Variants in CDH22 observed in about 807,000 individuals in gnomAD.
CDH22 encodes the protein cadherin 22.
In CDH22, 30 loss-of-function variants were observed where a neutral mutation model predicts 58.4. The observed-to-expected ratio is 0.51, with a 90% CI of 0.38 to 0.70. CDH22 has a LOEUF of 0.70. Among genes scored for constraint, CDH22 ranks in the 30% least tolerant of loss-of-function variants. The pLI, the probability that CDH22 is intolerant of heterozygous loss-of-function variation, is 0.00. For synonymous variants in CDH22, 513 were observed against 558.2 expected, an observed-to-expected ratio of 0.92 and a Z score of 1.14; for missense variants, 1,014 against 1,233.9, an observed-to-expected ratio of 0.82 and a Z score of 2.67.
chr20:46,251,550 C>A lies in CDH22; in HGVS notation c.-256G>T, dbSNP rs987636775. ...CCCCCGGGGTGCCCGCCCGCGCCCCCGTCGCCGCGTCGCGTGCGGATCACC... is the reference window on the plus strand; with the variant it reads ...CCCCCGGGGTGCCCGCCCGCGCCCCAGTCGCCGCGTCGCGTGCGGATCACC... On this transcript the variant is annotated 5_prime_UTR_variant, in exon 2 of 12. Transcript: ENST00000537909. This position sits in a 1 kb window ranked among gnomAD's most constrained non-coding sequence, Gnocchi z 6.7. The A allele has an allele frequency of 1.0e-5, 3 of 295,984 alleles. No individual in the cohort carries two copies. The highest frequency in any genetic ancestry group is 5.2e-5 in the Admixed American group (1 of 19,208). The allele number at this position is 295,984 out of a possible 1,614,324, so 18.3% of individuals were successfully genotyped here. A position where few individuals can be genotyped will look rare whatever the true frequency, so the allele number is the denominator to read the frequency against.
rs1165238554 is a variant in CDH22 at position 46,186,923 on chromosome 20, G to A, written c.1448C>T (p.Ala483Val). Residue 483 changes from alanine to valine, a missense_variant, in exon 9 of 12, where the codon GCA becomes GTA. This residue lies in a region of CDH22 where 806 missense variants were observed against 1,038.7 expected (regional missense o/e 0.78). Transcript: ENST00000537909. ...ATCCAGGATTCGGATCCTTAGGGATGCCCGGGATAGCTGTGCATGATTGTC... is the reference window on the plus strand; with the variant it reads ...ATCCAGGATTCGGATCCTTAGGGATACCCGGGATAGCTGTGCATGATTGTC... The part of the protein sequence containing the change: ...EADNHAQLSR[A>V]SLRIRILDVN... 1 of 1,605,796 alleles carries A rather than the reference G, an allele frequency of 6.2e-7. No individual in the cohort carries two copies. Among genetic ancestry groups the A allele is most frequent in the Admixed American group, 1.7e-5 (1 of 59,204 alleles).
intron 4 of CDH22, among the ~76,000 whole-genome samples, chr20:46,218,907 G>A (rs1023893254): frequency 4.6e-5 from 7 of 152,202 alleles, no homozygotes; most frequent in African/African-American, 7.2e-5. Context: ...GGTGGTGACA[G>A]GTGGTGCCCG....
intron 7 of CDH22, among the ~76,000 whole-genome samples, chr20:46,205,474 C>T (rs1249838073): frequency 6.6e-6 from 1 of 152,192 alleles, no homozygotes; most frequent in African/African-American, 2.4e-5. Context: ...GAACCCAGGT[C>T]TCCTCTGATT....
chr20:46,294,111 C>T (rs11087002), intron 1 of CDH22, among the ~76,000 whole-genome samples: 48,212 of 152,132 alleles, frequency 0.32, 8,269 homozygotes, highest in African/African-American at 0.45. Context: ...GCCTGCAAGA[C>T]CAAATCCTTA....
chr20:46,298,947 C>G (rs1014790521), intron 1 of CDH22, among the ~76,000 whole-genome samples: 4 of 152,156 alleles, frequency 2.6e-5, no homozygotes, highest in South Asian at 2.1e-4. Flanking sequence ...ATTAAGCCCC[C>G]ACCCCACTTA....
At chr20:46,307,985 G>C (rs1275494314) in intron 1 of CDH22, among the ~76,000 whole-genome samples, 2 of 151,758 alleles carry the variant, frequency 1.3e-5, no homozygotes, top group African/African-American at 4.8e-5. Context: ...TTGTGGGGAC[G>C]GGTGGGAGCT....
rs1328654682 is a variant in CDH22, at chr20:46,174,323, A to C, written c.*183T>G. 8 of 526,236 alleles carry C rather than the reference A, an allele frequency of 1.5e-5. No individual in the cohort carries two copies. The Admixed American group carries it at 2.5e-4, about 16-fold the overall frequency. 32.6% of individuals were successfully genotyped at this position (526,236 alleles called of 1,614,324 possible). A position where few individuals can be genotyped will look rare whatever the true frequency, so the allele number is the denominator to read the frequency against. On this transcript the variant is annotated 3_prime_UTR_variant, in exon 12 of 12. Transcript: ENST00000537909. The surrounding 1 kb of genome is among the most constrained non-coding windows in gnomAD (Gnocchi z 4.4). ...AGAATCCCGCACCTCTGGGCTCCAA[A>C]GCTGCACCCCTAGAGGAGGAGGAAT... is the stretch of plus-strand genomic sequence containing the variant.
At chr20:46,211,311 A>G (rs993886692) in intron 6 of CDH22, among the ~76,000 whole-genome samples, 1 of 152,144 alleles carries the variant, frequency 6.6e-6, no homozygotes, top group African/African-American at 2.4e-5. Flanking sequence ...CTGATTGGCA[A>G]GAGTGACCTT....
Position 46,174,456 on chromosome 20 carries a change from G to T in CDH22, c.*50C>A, listed in dbSNP as rs778330224. 1.1e-5 allele frequency: 14 copies of T among 1,288,578 alleles called. No individual in the cohort carries two copies. Among genetic ancestry groups the T allele is most frequent in the Non-Finnish European group, 1.4e-5 (14 of 983,488 alleles). 79.8% of individuals were successfully genotyped at this position (1,288,578 alleles called of 1,614,324 possible). The stretch of plus-strand genomic sequence containing the variant: ...GGGAAACGCGTTGTCCTGGGGCCCC[G>T]GCGTGTGCTGGGCGGGTGAGCAGCC... On this transcript the variant is annotated 3_prime_UTR_variant, in exon 12 of 12. Coordinates refer to ENST00000537909, the MANE Select transcript of CDH22 (RefSeq NM_021248.3). The surrounding 1 kb of genome is among the most constrained non-coding windows in gnomAD (Gnocchi z 4.4).
rs767171662 is a variant in CDH22, at chr20:46,174,889, C to T, written c.2104G>A (p.Gly702Arg). 26 of 1,414,450 alleles carry T rather than the reference C, an allele frequency of 1.8e-5. No individual in the cohort carries two copies. The highest frequency in any genetic ancestry group is 2.5e-4 in the Middle Eastern group (1 of 4,008). 87.6% of individuals were successfully genotyped at this position (1,414,450 alleles called of 1,614,324 possible). ...GCTCCCCCGCCCGCGCTGCCGCCCC[C>T]GTCGCCGCCCTTGAGCTCGCCGAAG... ...YDFGELKGGD[G>R]GGSAGGGAGG... The change falls in exon 12 of 12, where the codon GGG becomes AGG. Residue 702 changes from glycine (G) to arginine (R), a missense_variant. Gly to Arg is a moderately radical substitution (Grantham distance 125). This residue lies in a region of CDH22 where 208 missense variants were observed against 195.2 expected (regional missense o/e 1.07). Transcript: ENST00000537909. This position sits in a 1 kb window ranked among gnomAD's most constrained non-coding sequence, Gnocchi z 4.4.
Position 46,241,359 on chromosome 20 carries a change from C to T in CDH22, c.256-102G>A. ...CTGCCTATTCCTAAGCCCATCTCTTCTCCAGCACATACACATCTTTAGTGA... is the reference window on the plus strand; with the variant it reads ...CTGCCTATTCCTAAGCCCATCTCTTTTCCAGCACATACACATCTTTAGTGA... On this transcript the variant is annotated intron_variant, in intron 2 of 11. Coordinates refer to ENST00000537909, the MANE Select transcript of CDH22 (RefSeq NM_021248.3). This position sits in a 1 kb window ranked among gnomAD's most constrained non-coding sequence, Gnocchi z 5.2. 2.1e-6 allele frequency: 2 copies of T among 968,848 alleles called. No homozygotes were observed. The highest frequency in any genetic ancestry group is 3.0e-6 in the Non-Finnish European group (2 of 662,834). 60.0% of individuals were successfully genotyped at this position (968,848 alleles called of 1,614,324 possible).
chr20:46,276,145 T>C (rs185989777), intron 1 of CDH22, among the ~76,000 whole-genome samples: 17 of 152,272 alleles, frequency 1.1e-4, no homozygotes, highest in Admixed American at 1.1e-3. Context: ...CATCCAAATA[T>C]GTAGCAGTGA....
At chr20:46,175,166 C>T in intron 11 of CDH22, 89 bp from the exon 12 acceptor site, 1 of 1,288,246 alleles carries the variant, frequency 7.8e-7, no homozygotes, top group Non-Finnish European at 1.1e-6. Context: ...CCGCCTCCCA[C>T]CCAGCAGAGC....
intron 7 of CDH22, among the ~76,000 whole-genome samples, chr20:46,203,604 G>A (rs958013995): frequency 2.0e-5 from 3 of 152,236 alleles, no homozygotes; most frequent in Non-Finnish European, 2.9e-5. Context: ...TACTTTGTAA[G>A]TTGTCGGGAG....
chr20:46,241,076 C>T lies in CDH22; in HGVS notation c.437G>A (p.Arg146His), dbSNP rs540366948. 6.8e-6 allele frequency: 11 copies of T among 1,614,034 alleles called. No individual in the cohort carries two copies. The highest frequency in any genetic ancestry group is 3.3e-5 in the South Asian group (3 of 91,090). Reference sequence around the variant, plus strand: ...GAACTCCGACTCGGGCTCCAGTAGGCGGTTGGTGGCGCGATCCCGAGCCTG... The same window carrying T: ...GAACTCCGACTCGGGCTCCAGTAGGTGGTTGGTGGCGCGATCCCGAGCCTG... ...RAQARDRATN[R>H]LLEPESEFII... Residue 146 changes from arginine to histidine, a missense_variant, in exon 3 of 12, where the codon CGC becomes CAC. Arg to His is a conservative substitution (Grantham distance 29). Coordinates refer to ENST00000537909, the MANE Select transcript of CDH22 (RefSeq NM_021248.3). This position sits in a 1 kb window ranked among gnomAD's most constrained non-coding sequence, Gnocchi z 5.2.
At chr20:46,220,012 G>A in intron 4 of CDH22, 1 of 152,664 alleles carries the variant, frequency 6.6e-6, no homozygotes, top group East Asian at 1.9e-4. Context: ...CGAAGGTGAT[G>A]GACAGGGAAG....
At chr20:46,272,094 C>A (rs6065944) in intron 1 of CDH22, among the ~76,000 whole-genome samples, 39,000 of 152,108 alleles carry the variant, frequency 0.26, 5,016 homozygotes, top group East Asian at 0.28. Context: ...CCCTGCACCC[C>A]CAATGGGCAA....
intron 1 of CDH22, among the ~76,000 whole-genome samples, chr20:46,258,708 G>C (rs1192824244): frequency 6.6e-6 from 1 of 152,254 alleles, no homozygotes; most frequent in Non-Finnish European, 1.5e-5. Context: ...GCCTCGGGAA[G>C]AGTCCCATAG....
chr20:46,217,982 A>G lies in CDH22; in HGVS notation c.671-989T>C, dbSNP rs148740779. Among the ~76,000 whole-genome samples the G allele has an allele frequency of 2.8e-3, 424 of 150,794 alleles. 5 individuals carry two copies. Among genetic ancestry groups the G allele is most frequent in the Middle Eastern group, 0.021 (6 of 292 alleles). On this transcript the variant is annotated intron_variant, in intron 4 of 11. Transcript: ENST00000537909. ...CACTTTGTTGCCCAGGCTGGAGTGC[A>G]GTGGCGCGATCTCAGCTCACTGCAA...
Sources: allele counts gnomAD v4.1 joint callset (sites outside exome capture counted in the v4.1 genomes callset), GRCh38; gene constraint gnomAD v4.1.1; regional missense constraint gnomAD v4.1.1; non-coding constraint Gnocchi (gnomAD v3.1); transcripts MANE v1.5; gene names NCBI Gene and HGNC (gene_info 2026-07-23, HGNC 2026-07-21).